The following STK32B variants were observed in gnomAD, a reference collection of about 807,000 sequenced individuals.
The protein encoded by STK32B is serine/threonine kinase 32B.
A neutral mutation model predicts 52.6 loss-of-function variants in STK32B; 43 were observed. The ratio of observed to expected loss-of-function variants is 0.82; its 90% CI spans 0.64 to 1.05. The LOEUF (loss-of-function observed/expected upper bound fraction) is 1.05. STK32B is among the 50% of genes least tolerant of loss of function. The pLI, the probability that STK32B is intolerant of heterozygous loss-of-function variation, is 0.00. For missense variants in STK32B, 621 were observed against 534.6 expected, an observed-to-expected ratio of 1.16 and a Z score of -1.59; for synonymous variants, 238 against 204.3, an observed-to-expected ratio of 1.17 and a Z score of -1.41.
chr4:5,097,190 C>A (rs2369495), intron 1 of STK32B, among the ~76,000 whole-genome samples: 145,744 of 152,326 alleles, frequency 0.96, 70,041 homozygotes, highest in East Asian at 1. Flanking sequence ...GGGAACGTAA[C>A]AGTGGCCATT....
chr4:5,218,709 TC>T (rs141834325), intron 3 of STK32B, among the ~76,000 whole-genome samples: 14,355 of 152,308 alleles, frequency 0.094, 849 homozygotes, highest in Non-Finnish European at 0.12. Context: ...CTGGAAAAGT[TC>T]TAAAAACTTA....
chr4:5,362,771 C>G (rs1203085921), intron 4 of STK32B, among the ~76,000 whole-genome samples: 4 of 152,230 alleles, frequency 2.6e-5, no homozygotes, highest in Admixed American at 6.5e-5. Context: ...CCAATTTCCA[C>G]TCTCTAGTCT....
At position 5,470,156 on chromosome 4, in the gene STK32B, T is replaced by A. The variant is rs1275660514; in HGVS notation, c.1106+2086T>A. On this transcript the variant is annotated intron_variant, in intron 11 of 11. Transcript: ENST00000282908. This position sits in a 1 kb window ranked among gnomAD's most constrained non-coding sequence, Gnocchi z 4.6. Reference sequence around the variant, plus strand: ...AATGAGACATCCTTCCCTGTGTCATTTAGGAGTTGCGTCTGCTGCTTTTAG... The same window carrying A: ...AATGAGACATCCTTCCCTGTGTCATATAGGAGTTGCGTCTGCTGCTTTTAG... Among the ~76,000 whole-genome samples, 1 of 152,186 alleles carries A rather than the reference T, an allele frequency of 6.6e-6. No individual in the cohort carries two copies. The highest frequency in any genetic ancestry group is 1.5e-5 in the Non-Finnish European group (1 of 68,038).
intron 2 of STK32B, among the ~76,000 whole-genome samples, chr4:5,160,231 C>T (rs541170388): frequency 2.0e-5 from 3 of 152,340 alleles, no homozygotes; most frequent in East Asian, 1.9e-4. Context: ...TCCACAATGT[C>T]CTGTGCCCTT....
At chr4:5,367,806 G>T (rs961331812) in intron 4 of STK32B, among the ~76,000 whole-genome samples, 1 of 152,152 alleles carries the variant, frequency 6.6e-6, no homozygotes. Flanking sequence ...CATCTTGGGT[G>T]GATTCCATTA....
chr4:5,387,405 C>T (rs997683304), intron 4 of STK32B, among the ~76,000 whole-genome samples: 3 of 152,178 alleles, frequency 2.0e-5, no homozygotes, highest in South Asian at 4.1e-4. Context: ...AGCACATATA[C>T]CCTGTGCTCA....
chr4:5,403,410 G>A (rs999747313), intron 5 of STK32B, among the ~76,000 whole-genome samples: 1 of 152,026 alleles, frequency 6.6e-6, no homozygotes, highest in African/African-American at 2.4e-5. Flanking sequence ...CACAATAAAG[G>A]CTCTGGCCCA....
intron 1 of STK32B, among the ~76,000 whole-genome samples, chr4:5,126,111 C>G (rs111900811): frequency 7.9e-5 from 12 of 152,222 alleles, no homozygotes; most frequent in African/African-American, 2.7e-4. Context: ...CTCCATATGT[C>G]TGTTTGTCTT....
intron 4 of STK32B, among the ~76,000 whole-genome samples, chr4:5,341,010 C>G (rs912587188): frequency 1.3e-4 from 20 of 152,176 alleles, no homozygotes; most frequent in Non-Finnish European, 2.6e-4. Flanking sequence ...GGCTTTGAAA[C>G]AAGGCGTTCA....
chr4:5,251,538 G>T (rs1206324168), intron 3 of STK32B, among the ~76,000 whole-genome samples: 1 of 152,016 alleles, frequency 6.6e-6, no homozygotes, highest in Admixed American at 6.6e-5. Context: ...TGTTCTTTTT[G>T]CTTAGTATTC....
chr4:5,039,892 A>G, the STK32B span, among the ~76,000 whole-genome samples: 4 of 152,348 alleles, frequency 2.6e-5, no homozygotes, highest in African/African-American at 9.6e-5. Flanking sequence ...AAGTGGTATC[A>G]CCAAGACAGT....
intron 2 of STK32B, among the ~76,000 whole-genome samples, chr4:5,153,562 T>C (rs1370310775): frequency 6.6e-6 from 1 of 151,754 alleles, no homozygotes; most frequent in Non-Finnish European, 1.5e-5. Flanking sequence ...CTCGACCTGA[T>C]AAAAAGCATT....
At chr4:5,221,279 C>G (rs181655384) in intron 3 of STK32B, among the ~76,000 whole-genome samples, 8 of 152,230 alleles carry the variant, frequency 5.3e-5, no homozygotes, top group South Asian at 2.1e-4. Flanking sequence ...TTCTTCACAC[C>G]AATTTTACAG....
chr4:5,132,326 A>G (rs997743844), intron 1 of STK32B, among the ~76,000 whole-genome samples: 1 of 152,152 alleles, frequency 6.6e-6, no homozygotes. Flanking sequence ...GGACATAAAG[A>G]GGGGAACAAC....
intron 3 of STK32B, among the ~76,000 whole-genome samples, chr4:5,181,170 C>T (rs1236633936): frequency 2.0e-5 from 3 of 152,142 alleles, no homozygotes; most frequent in Admixed American, 6.5e-5. Flanking sequence ...ATTGTGTCCC[C>T]CTGCCTCAAA....
At chr4:5,402,609 G>C (rs1204228088) in intron 5 of STK32B, among the ~76,000 whole-genome samples, 1 of 151,960 alleles carries the variant, frequency 6.6e-6, no homozygotes, top group African/African-American at 2.4e-5. Flanking sequence ...ACTGTTCTCT[G>C]TCCTGGTGGC....
At chr4:5,337,140 G>A (rs1732760857) in intron 4 of STK32B, among the ~76,000 whole-genome samples, 1 of 57,648 alleles carries the variant, frequency 1.7e-5, no homozygotes, top group South Asian at 4.8e-4. Context: ...CACCATCCCT[G>A]GCCAATTTTT....
chr4:5,477,639 CT>C (rs1718343808), intron 11 of STK32B, among the ~76,000 whole-genome samples: 1 of 152,218 alleles, frequency 6.6e-6, no homozygotes, highest in African/African-American at 2.4e-5. Context: ...CTACATCTTC[CT>C]GCTGCTTCTC....
At chr4:5,321,700 C>A (rs910110129) in intron 3 of STK32B, among the ~76,000 whole-genome samples, 2 of 151,996 alleles carry the variant, frequency 1.3e-5, no homozygotes, top group African/African-American at 4.8e-5. Flanking sequence ...CAATATTCTG[C>A]ATTTATACAG....
Sources: gnomAD v4.1 joint callset for allele counts (sites outside exome capture counted in the v4.1 genomes callset) on GRCh38, gnomAD v4.1.1 for gene constraint, Gnocchi (gnomAD v3.1) non-coding constraint, MANE v1.5 for transcripts, NCBI Gene and HGNC (gene_info 2026-07-23, HGNC 2026-07-21) for gene names.